The following INPP4B variants were observed in gnomAD, a reference collection of about 807,000 sequenced individuals.
INPP4B encodes the protein inositol polyphosphate-4-phosphatase type II B, also known as inositol polyphosphate 4-phosphatase type II.
INPP4B carries 55 observed loss-of-function variants against 122.5 expected under a neutral mutation model. The ratio of observed to expected loss-of-function variants is 0.45; its 90% CI spans 0.36 to 0.56. The LOEUF is 0.56. Ranked by LOEUF, INPP4B falls within the 20% of genes least tolerant of loss-of-function variation. INPP4B has a pLI of 0.00. For missense variants in INPP4B, 1,000 were observed against 1,097.7 expected (o/e 0.91, Z 1.26); for synonymous variants, 403 against 388.7 (o/e 1.04, Z -0.43).
intron 25 of INPP4B, among the ~76,000 whole-genome samples, chr4:142,066,684 A>C (rs553607881): frequency 6.6e-6 from 1 of 152,356 alleles, no homozygotes; most frequent in South Asian, 2.1e-4. Context: ...TATCCCGTGC[A>C]TGGCTCCGAG....
intron 1 of INPP4B, among the ~76,000 whole-genome samples, chr4:142,843,686 A>T (rs1783834487): frequency 8.1e-6 from 1 of 122,958 alleles, no homozygotes; most frequent in Non-Finnish European, 1.7e-5. Flanking sequence ...ACTAATTATG[A>T]TTCCATAATT....
chr4:142,486,354 G>T (rs939852187), intron 2 of INPP4B, among the ~76,000 whole-genome samples: 8 of 151,956 alleles, frequency 5.3e-5, no homozygotes, highest in Non-Finnish European at 1.2e-4. Context: ...GCTTTAATTT[G>T]CTTTTTCTTG....
intron 2 of INPP4B, among the ~76,000 whole-genome samples, chr4:142,485,572 C>G (rs945343337): frequency 1.3e-5 from 2 of 152,034 alleles, no homozygotes; most frequent in African/African-American, 4.8e-5. Context: ...TTCTACTTTA[C>G]GGAAGTAAAA....
chr4:142,479,544 A>T (rs1053075912), intron 2 of INPP4B, among the ~76,000 whole-genome samples: 30 of 152,190 alleles, frequency 2.0e-4, no homozygotes, highest in Non-Finnish European at 1.2e-4. Context: ...ACAATAGCAA[A>T]GTCAAGGAAT....
chr4:142,265,688 T>C (rs1190027301), intron 10 of INPP4B, among the ~76,000 whole-genome samples: 1 of 152,206 alleles, frequency 6.6e-6, no homozygotes, highest in Non-Finnish European at 1.5e-5. Context: ...TTACAAATAA[T>C]CCAGACAGGG....
chr4:142,074,670 G>T (rs1219548044), intron 25 of INPP4B, among the ~76,000 whole-genome samples: 9 of 152,012 alleles, frequency 5.9e-5, no homozygotes, highest in African/African-American at 1.9e-4. Flanking sequence ...ATAAATTGTG[G>T]TCTATTTATA....
At chr4:142,351,642 ATTC>A (rs920646281) in intron 7 of INPP4B, among the ~76,000 whole-genome samples, 36 of 152,114 alleles carry the variant, frequency 2.4e-4, no homozygotes, top group African/African-American at 8.4e-4. Context: ...ACTGAATAAA[ATTC>A]TTCTCCTAAA....
At chr4:142,164,258 A>C (rs541789373) in intron 16 of INPP4B, among the ~76,000 whole-genome samples, 11 of 151,948 alleles carry the variant, frequency 7.2e-5, no homozygotes, top group African/African-American at 1.9e-4. Flanking sequence ...TGTTCATTTA[A>C]AACTACTCTT....
chr4:142,233,931 T>C (rs1855553067), intron 12 of INPP4B, among the ~76,000 whole-genome samples: 1 of 152,190 alleles, frequency 6.6e-6, no homozygotes, highest in Admixed American at 6.5e-5. Flanking sequence ...AGCTCTTGCA[T>C]ATGTAAGTAC....
At chr4:142,065,541 T>G (rs1358845103) in intron 25 of INPP4B, among the ~76,000 whole-genome samples, 1 of 152,126 alleles carries the variant, frequency 6.6e-6, no homozygotes, top group Admixed American at 6.6e-5. Flanking sequence ...GAATAAAAAA[T>G]GTCTGACAAC....
At chr4:142,204,433 G>A (rs1308677711) in intron 14 of INPP4B, among the ~76,000 whole-genome samples, 1 of 151,590 alleles carries the variant, frequency 6.6e-6, no homozygotes, top group Non-Finnish European at 1.5e-5. Context: ...AAATCTTCTA[G>A]TTTCTGGGTT....
intron 5 of INPP4B, 28 bp downstream of exon 5, chr4:142,429,145 T>C (rs779002232): frequency 8.1e-6 from 11 of 1,358,040 alleles, no homozygotes; most frequent in Non-Finnish European, 1.1e-5. Flanking sequence ...CTTATATTTA[T>C]TGATATAAAT....
intron 3 of INPP4B, among the ~76,000 whole-genome samples, chr4:142,455,190 T>A (rs1440623877): frequency 1.3e-5 from 2 of 152,066 alleles, no homozygotes; most frequent in African/African-American, 4.8e-5. Flanking sequence ...TTTTAGTTAT[T>A]TTAATATATA....
At chr4:142,298,413 G>A (rs766843135) in intron 9 of INPP4B, among the ~76,000 whole-genome samples, 13 of 151,954 alleles carry the variant, frequency 8.6e-5, no homozygotes, top group Middle Eastern at 3.2e-3. Flanking sequence ...CAGGCCATGC[G>A]CGGTGGCTCA....
At chr4:142,135,533 C>A (rs182122057) in intron 18 of INPP4B, among the ~76,000 whole-genome samples, 111 of 152,276 alleles carry the variant, frequency 7.3e-4, no homozygotes, top group Non-Finnish European at 1.4e-3. Context: ...CAGTGACCCC[C>A]TTTTGGAGGA....
At chr4:142,338,374 T>G (rs1264772520) in intron 7 of INPP4B, among the ~76,000 whole-genome samples, 1 of 152,112 alleles carries the variant, frequency 6.6e-6, no homozygotes, top group Non-Finnish European at 1.5e-5. Context: ...TGGCTGGGAC[T>G]ACAGGCGCCC....
intron 2 of INPP4B, among the ~76,000 whole-genome samples, chr4:142,636,770 G>A (rs1424266830): frequency 6.6e-6 from 1 of 151,828 alleles, no homozygotes; most frequent in Non-Finnish European, 1.5e-5. Context: ...CCATTTATTA[G>A]CTCCCTTTCT....
chr4:142,260,097 G>GAA (rs1469880764), intron 11 of INPP4B, among the ~76,000 whole-genome samples: 2 of 152,098 alleles, frequency 1.3e-5, no homozygotes, highest in African/African-American at 4.8e-5. Flanking sequence ...CGATTCTCTT[G>GAA]CCTCAGCCTT....
rs998703617 is a variant in INPP4B at position 142,326,649 on chromosome 4, C to T, written c.373-11887G>A. Reference sequence around the variant, plus strand: ...ATAAAAAGTGGAGAATCATTATGCTCGATCCATTATCCTCAGCATTAGACC... The same window carrying T: ...ATAAAAAGTGGAGAATCATTATGCTTGATCCATTATCCTCAGCATTAGACC... On this transcript the variant is annotated intron_variant, in intron 7 of 25. Transcript: ENST00000262992. 3.3e-5 allele frequency among the ~76,000 whole-genome samples: 5 copies of T among 152,252 alleles called. No individual in the cohort carries two copies. In the South Asian group the frequency reaches 6.2e-4, roughly 19 times the overall value.
Sources: allele counts gnomAD v4.1 joint callset (sites outside exome capture counted in the v4.1 genomes callset), GRCh38; gene constraint gnomAD v4.1.1; transcripts MANE v1.5; gene names NCBI Gene and HGNC (gene_info 2026-07-23, HGNC 2026-07-21).